ARL8B: variants seen among roughly 807,000 people sequenced by gnomAD.
ARL8B encodes the protein ARF like GTPase 8B, also known as ADP-ribosylation factor-like protein 8B.
In ARL8B, 9 loss-of-function variants were observed where a neutral mutation model predicts 30.6. That is an observed-to-expected ratio of 0.29 (90% CI 0.18 to 0.51). ARL8B has a LOEUF of 0.51. ARL8B is among the 20% of genes least tolerant of loss of function. ARL8B has a pLI of 0.97. For missense variants in ARL8B, 130 were observed against 227.2 expected, an observed-to-expected ratio of 0.57 and a Z score of 2.75; for synonymous variants, 74 against 76.0, an observed-to-expected ratio of 0.97 and a Z score of 0.14.
At chr3:5,145,728 A>C (rs1324966959) in intron 1 of ARL8B, among the ~76,000 whole-genome samples, 1 of 152,196 alleles carries the variant, frequency 6.6e-6, no homozygotes, top group Non-Finnish European at 1.5e-5. Context: ...TCAGATACAC[A>C]ATCTTTGTCT....
At chr3:5,154,465 G>T (rs2054515109) in intron 1 of ARL8B, among the ~76,000 whole-genome samples, 1 of 151,836 alleles carries the variant, frequency 6.6e-6, no homozygotes, top group Non-Finnish European at 1.5e-5. Flanking sequence ...CTCCCGAGTA[G>T]CTGGGACTAT....
At chr3:5,144,182 T>A (rs1180404629) in intron 1 of ARL8B, among the ~76,000 whole-genome samples, 1 of 152,178 alleles carries the variant, frequency 6.6e-6, no homozygotes, top group Non-Finnish European at 1.5e-5. Flanking sequence ...GTACATTCTG[T>A]TCTAATTTTA....
chr3:5,145,554 C>T (rs1559279369), intron 1 of ARL8B, among the ~76,000 whole-genome samples: 3 of 152,100 alleles, frequency 2.0e-5, no homozygotes, highest in South Asian at 4.1e-4. Flanking sequence ...GAGTGAGCAC[C>T]GCAAGGGGCA....
At chr3:5,132,286 ACT>A (rs1279312737) in intron 1 of ARL8B, among the ~76,000 whole-genome samples, 11 of 150,860 alleles carry the variant, frequency 7.3e-5, no homozygotes, top group Admixed American at 7.3e-4. Context: ...GCAGAGTCTC[ACT>A]CTGTCTCCCA....
intron 1 of ARL8B, among the ~76,000 whole-genome samples, chr3:5,151,515 A>G (rs1302749521): frequency 6.6e-6 from 1 of 152,160 alleles, no homozygotes; most frequent in Non-Finnish European, 1.5e-5. Context: ...AAATTCTGAC[A>G]TGTTTCTCAT....
intron 1 of ARL8B, among the ~76,000 whole-genome samples, chr3:5,147,769 C>G (rs1433699908): frequency 2.0e-5 from 3 of 151,916 alleles, no homozygotes; most frequent in African/African-American, 4.8e-5. Context: ...GTCAGGCCAG[C>G]TCTATGTTAC....
intron 1 of ARL8B, among the ~76,000 whole-genome samples, chr3:5,127,177 C>A (rs1044690768): frequency 6.6e-6 from 1 of 152,150 alleles, no homozygotes; most frequent in African/African-American, 2.4e-5. Context: ...TTAGATGTGG[C>A]TAGCAGATCC....
intron 1 of ARL8B, among the ~76,000 whole-genome samples, chr3:5,149,879 T>C (rs1045996406): frequency 2.6e-5 from 4 of 152,212 alleles, no homozygotes; most frequent in African/African-American, 9.6e-5. Flanking sequence ...ATTCAGCACA[T>C]GATAGATGTT....
intron 1 of ARL8B, among the ~76,000 whole-genome samples, chr3:5,137,307 C>G (rs371488242): frequency 6.6e-6 from 1 of 151,924 alleles, no homozygotes; most frequent in East Asian, 1.9e-4. Flanking sequence ...CTACTAGATG[C>G]TAGATGAAGT....
chr3:5,142,282 C>T (rs553487199), intron 1 of ARL8B, among the ~76,000 whole-genome samples: 14 of 152,254 alleles, frequency 9.2e-5, no homozygotes, highest in South Asian at 4.1e-4. Flanking sequence ...AGTTTTCCCA[C>T]GGGCTTATTG....
intron 1 of ARL8B, among the ~76,000 whole-genome samples, chr3:5,126,765 A>G (rs2054233078): frequency 6.6e-6 from 1 of 152,114 alleles, no homozygotes; most frequent in Non-Finnish European, 1.5e-5. Flanking sequence ...GTCTTTTCTG[A>G]TTAGTGTCAA....
chr3:5,122,299 C>G lies in ARL8B; in HGVS notation c.-167C>G. The G allele has an allele frequency of 6.6e-7, 1 of 1,504,320 alleles. No individual in the cohort carries two copies. Among genetic ancestry groups the G allele is most frequent in the Non-Finnish European group, 8.9e-7 (1 of 1,127,624 alleles). The allele number at this position is 1,504,320 out of a possible 1,614,324, so 93.2% of individuals were successfully genotyped here. A position where few individuals can be genotyped will look rare whatever the true frequency, so the allele number is the denominator to read the frequency against. ...TGGGGGGTAGGGCGAGTCATATGAT[C>G]CGCTCGGCTTCCTGGGTCTGGCTGC... is the stretch of plus-strand genomic sequence containing the variant. On this transcript the variant is annotated 5_prime_UTR_variant, in exon 1 of 7. It adds an upstream start codon to the 5' untranslated region. Transcript: ENST00000256496.
chr3:5,122,364 C>T lies in ARL8B; in HGVS notation c.-102C>T, dbSNP rs549968882. 13 of 1,570,460 alleles carry T rather than the reference C, an allele frequency of 8.3e-6. No homozygotes were observed. The highest frequency in any genetic ancestry group is 1.1e-5 in the Non-Finnish European group (13 of 1,160,194). The stretch of plus-strand genomic sequence containing the variant: ...GTCCGCCCGTGTCGCGCCGGGGCAC[C>T]AAGGAGCCGTTGGAGGGTCCGGGCG... On this transcript the variant is annotated 5_prime_UTR_variant, in exon 1 of 7. Transcript: ENST00000256496.
intron 1 of ARL8B, among the ~76,000 whole-genome samples, chr3:5,144,879 G>T (rs1236023117): frequency 1.3e-5 from 2 of 152,190 alleles, no homozygotes; most frequent in African/African-American, 2.4e-5. Flanking sequence ...ATTAGGCCCT[G>T]CACTGTCCAG....
chr3:5,147,801 T>A (rs1345209440), intron 1 of ARL8B, among the ~76,000 whole-genome samples: 3 of 151,798 alleles, frequency 2.0e-5, no homozygotes, highest in African/African-American at 7.3e-5. Flanking sequence ...TCAAAAGGCC[T>A]TGCCCTACTG....
intron 1 of ARL8B, among the ~76,000 whole-genome samples, chr3:5,165,634 T>G (rs1182371139): frequency 6.6e-6 from 1 of 152,172 alleles, no homozygotes; most frequent in Non-Finnish European, 1.5e-5. Context: ...CAAAGTGGCT[T>G]GATAACTACA....
intron 1 of ARL8B, among the ~76,000 whole-genome samples, chr3:5,140,409 C>T (rs549067710): frequency 1.3e-5 from 2 of 152,254 alleles, no homozygotes; most frequent in African/African-American, 2.4e-5. Flanking sequence ...GTAAGAAGCC[C>T]CTTTACTCTT....
chr3:5,132,699 G>C (rs2054293743), intron 1 of ARL8B, among the ~76,000 whole-genome samples: 1 of 152,160 alleles, frequency 6.6e-6, no homozygotes, highest in Non-Finnish European at 1.5e-5. Flanking sequence ...CTGAATGAAT[G>C]AATGAATGAA....
At chr3:5,131,394 ATTT>A (rs61389011) in intron 1 of ARL8B, among the ~76,000 whole-genome samples, 34,601 of 148,404 alleles carry the variant, frequency 0.23, 4,749 homozygotes, top group African/African-American at 0.39. Context: ...AAATTAAAAA[ATTT>A]TTTTTTTTTT....
Sources: gnomAD v4.1 joint callset for allele counts (sites outside exome capture counted in the v4.1 genomes callset) on GRCh38, gnomAD v4.1.1 for gene constraint, MANE v1.5 for transcripts, NCBI Gene and HGNC (gene_info 2026-07-23, HGNC 2026-07-21) for gene names.